The following RAB3IL1 variants were observed in gnomAD, a reference collection of about 807,000 sequenced individuals.
The protein encoded by RAB3IL1 is RAB3A interacting protein like 1, also known as guanine nucleotide exchange factor for Rab-3A.
RAB3IL1 carries 37 observed loss-of-function variants against 49.2 expected under a neutral mutation model. The observed-to-expected ratio is 0.75, with a 90% CI of 0.58 to 0.99. RAB3IL1 has a LOEUF of 0.99. Ranked by LOEUF, RAB3IL1 falls within the 50% of genes least tolerant of loss-of-function variation. The pLI is 0.00. For synonymous variants in RAB3IL1, 193 were observed against 213.9 expected (o/e 0.90, Z 0.85); for missense variants, 484 against 513.0 (o/e 0.94, Z 0.55).
intron 1 of RAB3IL1, among the ~76,000 whole-genome samples, chr11:61,915,475 C>G (rs1939637425): frequency 6.6e-6 from 1 of 152,154 alleles, no homozygotes; most frequent in Admixed American, 6.5e-5. Context: ...TTTATTTTAC[C>G]TAGAGGCCCA....
upstream of RAB3IL1, among the ~76,000 whole-genome samples, chr11:61,919,504 C>T (rs1190371261): frequency 6.6e-6 from 1 of 152,200 alleles, no homozygotes. Flanking sequence ...TGATATCACA[C>T]CAGCCAGGGG....
intron 7 of RAB3IL1, among the ~76,000 whole-genome samples, chr11:61,904,340 G>T (rs1939064968): frequency 6.6e-6 from 1 of 152,130 alleles, no homozygotes; most frequent in African/African-American, 2.4e-5. Context: ...GACCAGTCAG[G>T]AAGAGGCAGA....
chr11:61,941,862 C>T, the RAB3IL1 span, among the ~76,000 whole-genome samples: 12 of 152,288 alleles, frequency 7.9e-5, no homozygotes, highest in East Asian at 1.2e-3. Flanking sequence ...GATTATACAT[C>T]GTGTCCATGT....
the RAB3IL1 span, among the ~76,000 whole-genome samples, chr11:61,943,483 T>G: frequency 6.6e-6 from 1 of 152,306 alleles, no homozygotes; most frequent in African/African-American, 2.4e-5. Context: ...CAAAATGAAT[T>G]AAAAACTTTC....
chr11:61,900,683 C>T (rs1938866169), intron 8 of RAB3IL1, among the ~76,000 whole-genome samples: 1 of 152,138 alleles, frequency 6.6e-6, no homozygotes, highest in African/African-American at 2.4e-5. Flanking sequence ...AGGGAGAAAA[C>T]ACTTCTCCCT....
chr11:61,921,826 C>T (rs1016852182), upstream of RAB3IL1, among the ~76,000 whole-genome samples: 1 of 152,192 alleles, frequency 6.6e-6, no homozygotes, highest in Admixed American at 6.5e-5. Context: ...CTTAACCTCT[C>T]TGGGACTCAG....
chr11:61,904,087 G>A (rs114989664), intron 7 of RAB3IL1, among the ~76,000 whole-genome samples: 5 of 151,752 alleles, frequency 3.3e-5, no homozygotes, highest in Middle Eastern at 3.4e-3. Context: ...CTCCCTCTCC[G>A]TGATGAGCCT....
intron 1 of RAB3IL1, among the ~76,000 whole-genome samples, chr11:61,910,221 G>T (rs7121473): frequency 6.6e-6 from 1 of 152,162 alleles, no homozygotes; most frequent in Non-Finnish European, 1.5e-5. Flanking sequence ...AGGTGGGTGC[G>T]GAGTGTGAGT....
chr11:61,925,496 ATGG>A, the RAB3IL1 span, among the ~76,000 whole-genome samples: 1 of 152,140 alleles, frequency 6.6e-6, no homozygotes, highest in Non-Finnish European at 1.5e-5. Context: ...TTAGCCAGGC[ATGG>A]TGGCACACAC....
At position 61,906,815 on chromosome 11, in the gene RAB3IL1, G is replaced by T; in HGVS notation, c.439-131C>A. On this transcript the variant is annotated intron_variant, in intron 4 of 9. Transcript: ENST00000394836. The surrounding 1 kb of genome is among the most constrained non-coding windows in gnomAD (Gnocchi z 4.6). Reference sequence around the variant, plus strand: ...CACTTAGTCCCACCCGACGCCCTCAGAACAGCCTTCGAGGCAGAGACCCAG... The same window carrying T: ...CACTTAGTCCCACCCGACGCCCTCATAACAGCCTTCGAGGCAGAGACCCAG... 2 of 865,948 alleles carry T rather than the reference G, an allele frequency of 2.3e-6. No individual in the cohort carries two copies. The highest frequency in any genetic ancestry group is 3.7e-6 in the Non-Finnish European group (2 of 537,106). 53.6% of individuals were successfully genotyped at this position (865,948 alleles called of 1,614,324 possible).
At position 61,906,813 on chromosome 11, in the gene RAB3IL1, C is replaced by A. The variant is rs1939217294; in HGVS notation, c.439-129G>T. 7 of 868,640 alleles carry A rather than the reference C, an allele frequency of 8.1e-6. No individual in the cohort carries two copies. The highest frequency in any genetic ancestry group is 1.3e-5 in the Non-Finnish European group (7 of 539,292). 53.8% of individuals were successfully genotyped at this position (868,640 alleles called of 1,614,324 possible). On this transcript the variant is annotated intron_variant, in intron 4 of 9. Transcript: ENST00000394836. The surrounding 1 kb of genome is among the most constrained non-coding windows in gnomAD (Gnocchi z 4.6). ...GGCACTTAGTCCCACCCGACGCCCT[C>A]AGAACAGCCTTCGAGGCAGAGACCC...
chr11:61,939,389 A>G, the RAB3IL1 span, among the ~76,000 whole-genome samples: 3 of 152,292 alleles, frequency 2.0e-5, no homozygotes, highest in South Asian at 6.2e-4. Context: ...TCAAAGGGAA[A>G]TTTATAGCTG....
At chr11:61,915,809 G>A (rs938868459) in intron 1 of RAB3IL1, among the ~76,000 whole-genome samples, 8 of 151,164 alleles carry the variant, frequency 5.3e-5, no homozygotes, top group Middle Eastern at 3.4e-3. Flanking sequence ...AGGCTGAGGC[G>A]GGCGGATCAC....
the RAB3IL1 span, among the ~76,000 whole-genome samples, chr11:61,946,220 C>T: frequency 6.6e-6 from 1 of 152,162 alleles, no homozygotes; most frequent in Non-Finnish European, 1.5e-5. Context: ...CTGGAGGCAG[C>T]ATCCAGGCCT....
At chr11:61,904,342 A>C (rs894040622) in intron 7 of RAB3IL1, among the ~76,000 whole-genome samples, 1 of 152,154 alleles carries the variant, frequency 6.6e-6, no homozygotes, top group African/African-American at 2.4e-5. Context: ...CCAGTCAGGA[A>C]GAGGCAGACC....
chr11:61,934,494 A>ATATATG, the RAB3IL1 span, among the ~76,000 whole-genome samples: 1 of 126,482 alleles, frequency 7.9e-6, no homozygotes, highest in Non-Finnish European at 1.7e-5. Context: ...ATATATATAT[A>ATATATG]TTCTATGCCT....
At chr11:61,940,442 C>CA in the RAB3IL1 span, among the ~76,000 whole-genome samples, 36 of 127,320 alleles carry the variant, frequency 2.8e-4, no homozygotes, top group South Asian at 1.5e-3. Context: ...AACTCCGTCT[C>CA]AAAAAAAAAG....
chr11:61,933,946 GA>G, the RAB3IL1 span, among the ~76,000 whole-genome samples: 1 of 149,644 alleles, frequency 6.7e-6, no homozygotes, highest in South Asian at 2.1e-4. Context: ...CCTTGTCTCA[GA>G]AAAAAAAAGA....
chr11:61,898,138 C>A lies in RAB3IL1; in HGVS notation c.*140G>T. 2 of 764,736 alleles carry A rather than the reference C, an allele frequency of 2.6e-6. No homozygotes were observed. The highest frequency in any genetic ancestry group is 4.4e-6 in the Non-Finnish European group (2 of 452,184). The allele number at this position is 764,736 out of a possible 1,614,324, so 47.4% of individuals were successfully genotyped here. ...ATGGACGTGTGGTGCTGGCTCAGTG[C>A]TGCCTCCATGGCCTGTCTGTCCATC... On this transcript the variant is annotated 3_prime_UTR_variant, in exon 10 of 10. Coordinates refer to ENST00000394836, the MANE Select transcript of RAB3IL1 (RefSeq NM_013401.4). This position sits in a 1 kb window ranked among gnomAD's most constrained non-coding sequence, Gnocchi z 5.1.
Sources: gnomAD v4.1 joint callset for allele counts (sites outside exome capture counted in the v4.1 genomes callset) on GRCh38, gnomAD v4.1.1 for gene constraint, Gnocchi (gnomAD v3.1) non-coding constraint, MANE v1.5 for transcripts, NCBI Gene and HGNC (gene_info 2026-07-23, HGNC 2026-07-21) for gene names.